The following PEMT variants were observed in gnomAD, a reference collection of about 807,000 sequenced individuals.
The protein encoded by PEMT is phospholipid methyltransferase.
In PEMT, 23 loss-of-function variants were observed where a neutral mutation model predicts 27.4. The ratio of observed to expected loss-of-function variants is 0.84; its 90% CI spans 0.60 to 1.19. PEMT has a LOEUF of 1.19. Ranked by LOEUF, PEMT falls within the 50% of genes most tolerant of loss-of-function variation. The pLI, the probability that PEMT is intolerant of heterozygous loss-of-function variation, is 0.00. For missense variants in PEMT, 307 were observed against 310.1 expected, an observed-to-expected ratio of 0.99 and a Z score of 0.07; for synonymous variants, 137 against 139.1, an observed-to-expected ratio of 0.98 and a Z score of 0.11.
chr17:17,538,066 G>T (rs1424546284), intron 2 of PEMT, among the ~76,000 whole-genome samples: 1 of 152,228 alleles, frequency 6.6e-6, no homozygotes, highest in Non-Finnish European at 1.5e-5. Context: ...TGTCTGAGGT[G>T]GTCTCTCCAA....
rs1023454991 is a variant in PEMT, at chr17:17,561,023, G to A, written c.204+15897C>T. Among the ~76,000 whole-genome samples, 3 of 151,996 alleles carry A rather than the reference G, an allele frequency of 2.0e-5. No individual in the cohort carries two copies. Among genetic ancestry groups the A allele is most frequent in the Admixed American group, 2.0e-4 (3 of 15,270 alleles). On this transcript the variant is annotated intron_variant, in intron 2 of 6. Coordinates refer to ENST00000255389, the MANE Select transcript of PEMT (RefSeq NM_148172.3). This position sits in a 1 kb window ranked among gnomAD's most constrained non-coding sequence, Gnocchi z 4.5. ...TGAAGATAGCAAGGACCCCGGCCGC[G>A]CCTTCCTCTCCCCTCTCTCCTCCCT... is the stretch of plus-strand genomic sequence containing the variant.
chr17:17,565,840 T>G (rs1207151053), intron 2 of PEMT, among the ~76,000 whole-genome samples: 1 of 152,252 alleles, frequency 6.6e-6, no homozygotes, highest in Non-Finnish European at 1.5e-5. Context: ...TAAGTGAAAG[T>G]GCTTGGCCTA....
intron 3 of PEMT, among the ~76,000 whole-genome samples, chr17:17,519,515 C>T (rs940402882): frequency 1.3e-5 from 2 of 152,330 alleles, no homozygotes. Flanking sequence ...GATCCAAGAA[C>T]AAACCAGACA....
At chr17:17,531,792 G>C (rs1330120562) in intron 2 of PEMT, among the ~76,000 whole-genome samples, 1 of 151,898 alleles carries the variant, frequency 6.6e-6, no homozygotes, top group Non-Finnish European at 1.5e-5. Flanking sequence ...AGACTAGAGA[G>C]AATCTTTATG....
intron 5 of PEMT, chr17:17,507,524 C>A: frequency 2.8e-6 from 1 of 351,886 alleles, no homozygotes; most frequent in Middle Eastern, 7.9e-4. Context: ...AGATCCAAGC[C>A]CAGGCTCCAA....
chr17:17,538,409 TC>T (rs1908643173), intron 2 of PEMT, among the ~76,000 whole-genome samples: 1 of 152,156 alleles, frequency 6.6e-6, no homozygotes, highest in Non-Finnish European at 1.5e-5. Flanking sequence ...TGAAAAATTC[TC>T]TGGGCATGGT....
chr17:17,505,991 T>A (rs1385300030), intron 6 of PEMT, 143 bp from the exon 7 acceptor site: 1 of 1,345,822 alleles, frequency 7.4e-7, no homozygotes, highest in Non-Finnish European at 9.9e-7. Flanking sequence ...GGGGCAACAC[T>A]GACTTGGAGC....
At chr17:17,571,800 C>T (rs1471248895) in intron 2 of PEMT, among the ~76,000 whole-genome samples, 6 of 152,116 alleles carry the variant, frequency 3.9e-5, no homozygotes, top group Admixed American at 2.0e-4. Flanking sequence ...CCTCGACCCC[C>T]AGAGCTCAAG....
At chr17:17,548,581 T>A (rs1567710945) in intron 2 of PEMT, among the ~76,000 whole-genome samples, 1 of 152,026 alleles carries the variant, frequency 6.6e-6, no homozygotes, top group Non-Finnish European at 1.5e-5. Context: ...GCAGTTTCGC[T>A]CTTGTTGCCC....
intron 2 of PEMT, among the ~76,000 whole-genome samples, chr17:17,536,342 G>A (rs1302792609): frequency 1.3e-5 from 2 of 152,138 alleles, no homozygotes; most frequent in Non-Finnish European, 2.9e-5. Context: ...AACATTCTGG[G>A]GCCTCCCAAC....
Position 17,512,507 on chromosome 17 carries a change from AC to A in PEMT, c.466+1del, listed in dbSNP as rs1906485357. On this transcript the variant is annotated splice_donor_variant, in intron 4 of 6. Transcript: ENST00000255389. LOFTEE classifies it high-confidence loss of function. This position sits in a 1 kb window ranked among gnomAD's most constrained non-coding sequence, Gnocchi z 6.3. ...GGGTCACCCCAGCCCTCAGGGTCTT[AC>A]CTAGGAAAGTTCCAGCGAACCCCAG... is the stretch of plus-strand genomic sequence containing the variant. The A allele has an allele frequency of 6.3e-7, 1 of 1,594,164 alleles. No individual in the cohort carries two copies. Among genetic ancestry groups the A allele is most frequent in the Non-Finnish European group, 8.6e-7 (1 of 1,169,286 alleles).
chr17:17,547,391 G>T (rs536271522), intron 2 of PEMT, among the ~76,000 whole-genome samples: 17 of 152,252 alleles, frequency 1.1e-4, no homozygotes, highest in Non-Finnish European at 1.5e-5. Flanking sequence ...TGTCTGTGCC[G>T]CATGGACTCT....
chr17:17,538,509 T>G (rs540121279), intron 2 of PEMT, among the ~76,000 whole-genome samples: 158 of 152,152 alleles, frequency 1.0e-3, no homozygotes, highest in African/African-American at 3.7e-3. Context: ...GAGCTTGGAT[T>G]ACACCATTGC....
chr17:17,566,184 C>T (rs953303339), intron 2 of PEMT, among the ~76,000 whole-genome samples: 1 of 152,224 alleles, frequency 6.6e-6, no homozygotes, highest in East Asian at 1.9e-4. Flanking sequence ...AACACAGCCC[C>T]GCTGGGCTGC....
chr17:17,566,136 AGCC>A (rs1910810682), intron 2 of PEMT, among the ~76,000 whole-genome samples: 1 of 152,226 alleles, frequency 6.6e-6, no homozygotes, highest in African/African-American at 2.4e-5. Context: ...AATTTCATTC[AGCC>A]TCCAAAGAAG....
intron 2 of PEMT, among the ~76,000 whole-genome samples, chr17:17,550,169 AC>A (rs1909549398): frequency 6.6e-6 from 1 of 151,880 alleles, no homozygotes. Flanking sequence ...GCTCCCCACC[AC>A]CCCCCTCTGG....
chr17:17,523,675 A>C lies in PEMT; in HGVS notation c.205-1280T>G, dbSNP rs1266564357. ...CTCTGTGGGAAGCTCAAAAGGCGGA[A>C]GGAATAAGCGCTGCAGGGGTGAGGA... On this transcript the variant is annotated intron_variant, in intron 2 of 6. Coordinates refer to ENST00000255389, the MANE Select transcript of PEMT (RefSeq NM_148172.3). This position sits in a 1 kb window ranked among gnomAD's most constrained non-coding sequence, Gnocchi z 4.8. Among the ~76,000 whole-genome samples, 1 of 151,864 alleles carries C rather than the reference A, an allele frequency of 6.6e-6. No individual in the cohort carries two copies. Among genetic ancestry groups the C allele is most frequent in the Non-Finnish European group, 1.5e-5 (1 of 67,956 alleles).
intron 2 of PEMT, among the ~76,000 whole-genome samples, chr17:17,554,179 T>C (rs1909877989): frequency 6.6e-6 from 1 of 152,248 alleles, no homozygotes; most frequent in Non-Finnish European, 1.5e-5. Context: ...ACATACCTTG[T>C]GCAGAGAAGG....
intron 2 of PEMT, among the ~76,000 whole-genome samples, chr17:17,538,807 G>A (rs771530158): frequency 6.6e-6 from 1 of 152,106 alleles, no homozygotes; most frequent in African/African-American, 2.4e-5. Context: ...CGCCTTCTTG[G>A]GTCAATATTT....
Sources: allele counts gnomAD v4.1 joint callset (sites outside exome capture counted in the v4.1 genomes callset), GRCh38; gene constraint gnomAD v4.1.1; non-coding constraint Gnocchi (gnomAD v3.1); transcripts MANE v1.5; gene names NCBI Gene and HGNC (gene_info 2026-07-23, HGNC 2026-07-21).